The following CYFIP2 variants were observed in gnomAD, a reference collection of about 807,000 sequenced individuals.
CYFIP2 encodes the protein cytoplasmic FMR1 interacting protein 2, also known as cytoplasmic FMR1-interacting protein 2.
CYFIP2 carries 29 observed loss-of-function variants against 158.7 expected under a neutral mutation model. That is an observed-to-expected ratio of 0.18 (90% confidence interval 0.14 to 0.25). The LOEUF is 0.25. Ranked by LOEUF, CYFIP2 falls within the 10% of genes least tolerant of loss-of-function variation. The pLI, the probability that CYFIP2 is intolerant of heterozygous loss-of-function variation, is 1.00. For synonymous variants in CYFIP2, 585 were observed against 617.6 expected, an observed-to-expected ratio of 0.95 and a Z score of 0.78; for missense variants, 852 against 1,639.5, an observed-to-expected ratio of 0.52 and a Z score of 8.29.
At chr5:157,319,973 C>G (rs1394673830) in intron 14 of CYFIP2, 45 bp downstream of exon 14, 2 of 1,596,864 alleles carry the variant, frequency 1.3e-6, no homozygotes, top group Non-Finnish European at 1.7e-6. Context: ...CATAAGCATG[C>G]CAGGTACCCA....
Position 157,384,473 on chromosome 5 carries a change from A to G in CYFIP2, c.3207+1114A>G, listed in dbSNP as rs561658927. 6.3e-5 allele frequency: 29 copies of G among 456,848 alleles called. 1 individual carries two copies. Among genetic ancestry groups the G allele is most frequent in the South Asian group, 4.5e-4 (29 of 64,566 alleles). 28.3% of individuals were successfully genotyped at this position (456,848 alleles called of 1,614,324 possible). The stretch of plus-strand genomic sequence containing the variant: ...CCTCTTTGGTGTTCTCACCAAGGGC[A>G]AAAGGACTCAAATCCTCAGCGGAGG... On this transcript the variant is annotated intron_variant, in intron 28 of 30. Transcript: ENST00000620254.
chr5:157,327,808 G>A lies in CYFIP2; in HGVS notation c.2080-165G>A, dbSNP rs552916768. 7 of 628,796 alleles carry A rather than the reference G, an allele frequency of 1.1e-5. No homozygotes were observed. In the Admixed American group the frequency reaches 1.2e-4, roughly 10 times the overall value. 39.0% of individuals were successfully genotyped at this position (628,796 alleles called of 1,614,324 possible). Reference sequence around the variant, plus strand: ...CTGACTGAGGACCCTGAGAGCAAGGGACCAAATCTCCCAAACTTAGCCACA... The same window carrying A: ...CTGACTGAGGACCCTGAGAGCAAGGAACCAAATCTCCCAAACTTAGCCACA... On this transcript the variant is annotated intron_variant, in intron 18 of 30. Coordinates refer to ENST00000620254, the MANE Select transcript of CYFIP2 (RefSeq NM_001037333.3).
intron 22 of CYFIP2, 64 bp from the exon 23 acceptor site, chr5:157,341,006 T>C (rs779426864): frequency 1.8e-5 from 27 of 1,484,768 alleles, no homozygotes; most frequent in Non-Finnish European, 2.5e-5. Context: ...TCCTGTTATC[T>C]GTGTCCCATG....
chr5:157,289,365 G>A (rs1246631313), intron 3 of CYFIP2, among the ~76,000 whole-genome samples: 1 of 152,236 alleles, frequency 6.6e-6, no homozygotes, highest in African/African-American at 2.4e-5. Context: ...ACAAATAAAG[G>A]GTCGGGGCAT....
chr5:157,314,589 C>A (rs1759992466), intron 12 of CYFIP2, 126 bp downstream of exon 12: 1 of 1,318,362 alleles, frequency 7.6e-7, no homozygotes, highest in Non-Finnish European at 1.0e-6. Context: ...TACGATTTAC[C>A]CATTTAAAGT....
chr5:157,303,597 G>A (rs1163324417), intron 7 of CYFIP2, among the ~76,000 whole-genome samples: 2 of 152,120 alleles, frequency 1.3e-5, no homozygotes, highest in Non-Finnish European at 2.9e-5. Context: ...GGGTTGACAG[G>A]GCCCTTGCCA....
chr5:157,367,729 A>C (rs1299171082), intron 26 of CYFIP2, among the ~76,000 whole-genome samples: 1 of 151,126 alleles, frequency 6.6e-6, no homozygotes, highest in Non-Finnish European at 1.5e-5. Flanking sequence ...CCACTTTGTC[A>C]CACTAAGATG....
chr5:157,303,193 C>G (rs907413465), intron 7 of CYFIP2: 11 of 283,616 alleles, frequency 3.9e-5, no homozygotes, highest in Non-Finnish European at 6.7e-5. Context: ...CCTAGACCAC[C>G]ACTGACCCAC....
At chr5:157,285,984 C>T (rs1288331629) in intron 2 of CYFIP2, among the ~76,000 whole-genome samples, 1 of 152,138 alleles carries the variant, frequency 6.6e-6, no homozygotes, top group African/African-American at 2.4e-5. Context: ...GGCCGGGAGT[C>T]GGTATAGCCC....
At chr5:157,323,723 G>C (rs1481094383) in intron 15 of CYFIP2, among the ~76,000 whole-genome samples, 198 bp from the exon 16 acceptor site, 1 of 152,228 alleles carries the variant, frequency 6.6e-6, no homozygotes, top group Non-Finnish European at 1.5e-5. Context: ...GGATGCCACG[G>C]GGCCCGGGTT....
chr5:157,360,392 T>C lies in CYFIP2; in HGVS notation c.2908+20T>C, dbSNP rs187812177. 29 of 1,600,678 alleles carry C rather than the reference T, an allele frequency of 1.8e-5. No individual in the cohort carries two copies. The African/African-American group carries it at 2.0e-4, about 11-fold the overall frequency. On this transcript the variant is annotated intron_variant, in intron 25 of 30. Coordinates refer to ENST00000620254, the MANE Select transcript of CYFIP2 (RefSeq NM_001037333.3). ...CCCCAGGTTGGTGATAGCAAAACAA[T>C]CCAGACCCCTCCCATGGTGGGGAGG...
At chr5:157,319,336 T>G (rs1020910539) in intron 13 of CYFIP2, among the ~76,000 whole-genome samples, 2 of 152,202 alleles carry the variant, frequency 1.3e-5, no homozygotes, top group Admixed American at 6.5e-5. Flanking sequence ...TAGAAAATTT[T>G]ATGTTAAAAA....
intron 5 of CYFIP2, among the ~76,000 whole-genome samples, chr5:157,297,119 C>T (rs1228938753): frequency 6.6e-6 from 1 of 152,208 alleles, no homozygotes; most frequent in African/African-American, 2.4e-5. Flanking sequence ...GACAGCCTCT[C>T]AGGAGGCGGC....
At position 157,383,440 on chromosome 5, in the gene CYFIP2, G is replaced by C. The variant is rs936762716; in HGVS notation, c.3207+81G>C. The C allele has an allele frequency of 3.1e-6, 4 of 1,294,208 alleles. No homozygotes were observed. In the African/African-American group the frequency reaches 5.9e-5, roughly 19 times the overall value. 80.2% of individuals were successfully genotyped at this position (1,294,208 alleles called of 1,614,324 possible). ...TTGACCAAACCCCCTCATTGTACAGGTCAGGAAACTGAGGCTCAGAGAAGG... is the reference window on the plus strand; with the variant it reads ...TTGACCAAACCCCCTCATTGTACAGCTCAGGAAACTGAGGCTCAGAGAAGG... On this transcript the variant is annotated intron_variant, in intron 28 of 30. Transcript: ENST00000620254.
intron 23 of CYFIP2, among the ~76,000 whole-genome samples, chr5:157,353,922 C>T (rs538831885): frequency 1.3e-5 from 2 of 152,194 alleles, no homozygotes; most frequent in African/African-American, 2.4e-5. Flanking sequence ...AGTGGCTGGC[C>T]GTGTTTACCA....
chr5:157,296,543 A>G, intron 4 of CYFIP2, 130 bp from the exon 5 acceptor site: 2 of 816,458 alleles, frequency 2.4e-6, no homozygotes, highest in Non-Finnish European at 4.1e-6. Flanking sequence ...TCAGTGAGCC[A>G]TGATCATGCC....
chr5:157,337,717 C>T (rs1427542941), intron 21 of CYFIP2, among the ~76,000 whole-genome samples: 1 of 152,232 alleles, frequency 6.6e-6, no homozygotes, highest in Non-Finnish European at 1.5e-5. Flanking sequence ...GGACATATTC[C>T]AGCCATTACA....
chr5:157,312,535 T>G (rs539231413), intron 11 of CYFIP2, among the ~76,000 whole-genome samples: 6 of 152,330 alleles, frequency 3.9e-5, no homozygotes, highest in African/African-American at 1.4e-4. Context: ...ATCCCCTGAC[T>G]CAGATTCCTT....
chr5:157,350,846 C>T (rs1561755315), intron 23 of CYFIP2, among the ~76,000 whole-genome samples: 1 of 152,276 alleles, frequency 6.6e-6, no homozygotes, highest in East Asian at 1.9e-4. Flanking sequence ...TCTTTCACCT[C>T]CTTGGTTAGA....
Sources: gnomAD v4.1 joint callset for allele counts (sites outside exome capture counted in the v4.1 genomes callset) on GRCh38, gnomAD v4.1.1 for gene constraint, MANE v1.5 for transcripts, NCBI Gene and HGNC (gene_info 2026-07-23, HGNC 2026-07-21) for gene names.